Variants in FARP1 observed in about 807,000 individuals in gnomAD.
FARP1 encodes the protein FERM, ARH/RhoGEF and pleckstrin domain protein 1.
Under a neutral mutation model 128.8 loss-of-function variants are expected in FARP1, and 52 were observed. The observed-to-expected ratio is 0.40, with a 90% CI of 0.32 to 0.51. The LOEUF is 0.51. Ranked by LOEUF, FARP1 falls within the 20% of genes least tolerant of loss-of-function variation. The probability of loss-of-function intolerance (pLI) is 0.45; values close to 1 mark genes in which losing one functional copy is unlikely to be tolerated. For synonymous variants in FARP1, 580 were observed against 551.8 expected (o/e 1.05, Z -0.72); for missense variants, 1,333 against 1,367.9 (o/e 0.97, Z 0.40).
intron 16 of FARP1, among the ~76,000 whole-genome samples, chr13:98,414,805 G>T (rs1367297354): frequency 6.6e-6 from 1 of 152,182 alleles, no homozygotes; most frequent in Non-Finnish European, 1.5e-5. Context: ...GCTTTCACGT[G>T]TCAAATGGGA....
chr13:98,443,427 A>C (rs1178339514), intron 24 of FARP1, among the ~76,000 whole-genome samples: 2 of 152,174 alleles, frequency 1.3e-5, no homozygotes, highest in Non-Finnish European at 2.9e-5. Flanking sequence ...CTCATGTGCC[A>C]GACGCCAAAT....
At position 98,455,013 on chromosome 13, in the gene FARP1, G is replaced by T. The variant is rs142593405; in HGVS notation, c.*6696G>T. ...GGTAAATAGGGTCAACCCCAGCCAC[G>T]ATGCCCAGTGAGCACGTAAAATGTG... On this transcript the variant is annotated 3_prime_UTR_variant, in exon 27 of 27. Coordinates refer to ENST00000319562, the MANE Select transcript of FARP1 (RefSeq NM_005766.4). 1 of 152,224 alleles carries T rather than the reference G, an allele frequency of 6.6e-6. No individual in the cohort carries two copies. The allele number at this position is 152,224 out of a possible 1,614,324, so 9.4% of individuals were successfully genotyped here.
At chr13:98,264,408 C>G (rs1566809246) in intron 2 of FARP1, among the ~76,000 whole-genome samples, 1 of 152,200 alleles carries the variant, frequency 6.6e-6, no homozygotes, top group Non-Finnish European at 1.5e-5. Context: ...GACATGAATC[C>G]TCCTTTTGTC....
At chr13:98,258,307 A>C (rs1883712046) in intron 2 of FARP1, among the ~76,000 whole-genome samples, 1 of 152,158 alleles carries the variant, frequency 6.6e-6, no homozygotes, top group African/African-American at 2.4e-5. Flanking sequence ...AACTTAAAGA[A>C]AAAACATAAA....
chr13:98,362,422 C>G (rs1223765155), intron 3 of FARP1, among the ~76,000 whole-genome samples: 1 of 152,216 alleles, frequency 6.6e-6, no homozygotes, highest in Admixed American at 6.5e-5. Context: ...TGCTGAATCA[C>G]TGAGTCAAGG....
Position 98,212,812 on chromosome 13 carries a change from T to C in FARP1, c.-23-408T>C, listed in dbSNP as rs546332680. 1.3e-3 allele frequency among the ~76,000 whole-genome samples: 204 copies of C among 152,280 alleles called. 3 individuals are homozygous for C. In the South Asian group the frequency reaches 0.03, roughly 23 times the overall value. ...GCGTTTTACCTGTTTATCTTTAGAA[T>C]ACCCACAGTACTTAGCATGTAACTA... On this transcript the variant is annotated intron_variant, in intron 1 of 26. Coordinates refer to ENST00000319562, the MANE Select transcript of FARP1 (RefSeq NM_005766.4).
At chr13:98,445,871 GAC>G in intron 24 of FARP1, 2 of 501,532 alleles carry the variant, frequency 4.0e-6, no homozygotes, top group South Asian at 4.8e-5. Flanking sequence ...CTTTTGGGGG[GAC>G]ACAGGGACCC....
chr13:98,164,178 AG>A (rs1877081421), intron 1 of FARP1, among the ~76,000 whole-genome samples: 7 of 152,218 alleles, frequency 4.6e-5, no homozygotes, highest in Admixed American at 4.6e-4. Flanking sequence ...CAGGAAACGA[AG>A]GACAGAAAGG....
intron 1 of FARP1, among the ~76,000 whole-genome samples, chr13:98,166,414 T>C (rs1462861575): frequency 6.6e-6 from 1 of 152,268 alleles, no homozygotes; most frequent in East Asian, 1.9e-4. Flanking sequence ...ATATAGTGCT[T>C]ACTTTGTGCT....
At chr13:98,422,974 A>G (rs1183871756) in intron 16 of FARP1, among the ~76,000 whole-genome samples, 1 of 152,210 alleles carries the variant, frequency 6.6e-6, no homozygotes, top group Non-Finnish European at 1.5e-5. Context: ...GTCCCACAAT[A>G]GGCTGTCTGC....
intron 2 of FARP1, chr13:98,328,173 G>A (rs967568849): frequency 6.6e-6 from 1 of 152,182 alleles, no homozygotes; most frequent in East Asian, 1.9e-4. Context: ...GTGTCAGTCT[G>A]TTGGTTAAGT....
At chr13:98,374,252 G>A (rs1371484416) in intron 5 of FARP1, among the ~76,000 whole-genome samples, 2 of 152,060 alleles carry the variant, frequency 1.3e-5, no homozygotes, top group African/African-American at 4.8e-5. Flanking sequence ...AGGGAGACCT[G>A]TCTCTACAAA....
At position 98,309,214 on chromosome 13, in the gene FARP1, G is replaced by A. The variant is rs6491416; in HGVS notation, c.172-34548G>A. Among the ~76,000 whole-genome samples the A allele has an allele frequency of 6.2e-5, 8 of 129,658 alleles. No individual in the cohort carries two copies. In the South Asian group the frequency reaches 1.0e-3, roughly 16 times the overall value. 85.1% of individuals were successfully genotyped at this position (129,658 alleles called of 152,430 possible). A position where few individuals can be genotyped will look rare whatever the true frequency, so the allele number is the denominator to read the frequency against. On this transcript the variant is annotated intron_variant, in intron 2 of 26. Coordinates refer to ENST00000319562, the MANE Select transcript of FARP1 (RefSeq NM_005766.4). ...CGGAGTCTCGCTCTGTGGCCCAGGC[G>A]GGAGTGCAGTGGCGCAATCTCGGCT... is the stretch of plus-strand genomic sequence containing the variant.
intron 6 of FARP1, among the ~76,000 whole-genome samples, chr13:98,380,182 C>T (rs1490746095): frequency 6.6e-6 from 1 of 152,224 alleles, no homozygotes. Context: ...CATGGTGGCT[C>T]ACGCCTGTAA....
At chr13:98,374,380 G>A (rs1459694231) in intron 5 of FARP1, among the ~76,000 whole-genome samples, 3 of 152,154 alleles carry the variant, frequency 2.0e-5, no homozygotes, top group Admixed American at 6.5e-5. Context: ...AGCAGTGATT[G>A]TACCACTGCA....
intron 24 of FARP1, chr13:98,445,615 A>ATCTT (rs1309467592): frequency 6.5e-6 from 1 of 153,908 alleles, no homozygotes; most frequent in Non-Finnish European, 1.4e-5. Flanking sequence ...GTTGGGATGG[A>ATCTT]TCTTTCCCTC....
chr13:98,252,162 C>A (rs183095039), intron 2 of FARP1, among the ~76,000 whole-genome samples: 1 of 152,196 alleles, frequency 6.6e-6, no homozygotes, highest in East Asian at 1.9e-4. Flanking sequence ...ATGTATTTAA[C>A]AACAATGTTA....
chr13:98,379,226 A>G (rs146651233), intron 6 of FARP1, among the ~76,000 whole-genome samples: 127 of 109,996 alleles, frequency 1.2e-3, no homozygotes, highest in African/African-American at 5.8e-3. Context: ...TATATAATCT[A>G]TCTATATATA....
chr13:98,365,815 C>T (rs1889056535), intron 4 of FARP1, among the ~76,000 whole-genome samples: 1 of 152,008 alleles, frequency 6.6e-6, no homozygotes, highest in Non-Finnish European at 1.5e-5. Flanking sequence ...GGTCCTTCCT[C>T]TTCAAAGCCT....
Sources: allele counts gnomAD v4.1 joint callset (sites outside exome capture counted in the v4.1 genomes callset), GRCh38; gene constraint gnomAD v4.1.1; transcripts MANE v1.5; gene names NCBI Gene and HGNC (gene_info 2026-07-23, HGNC 2026-07-21).